The following ECEL1 variants were observed in gnomAD, a reference collection of about 807,000 sequenced individuals.
ECEL1 encodes the protein endothelin converting enzyme like 1.
ECEL1 carries 87 observed loss-of-function variants against 101.8 expected under a neutral mutation model. The ratio of observed to expected loss-of-function variants is 0.85; its 90% CI spans 0.72 to 1.02. The LOEUF (loss-of-function observed/expected upper bound fraction) is 1.02, where lower values mean the gene tolerates loss of function less well. Ranked by LOEUF, ECEL1 falls within the 50% of genes least tolerant of loss-of-function variation. ECEL1 has a pLI of 0.00. For synonymous variants in ECEL1, 487 were observed against 468.7 expected, an observed-to-expected ratio of 1.04 and a Z score of -0.50; for missense variants, 1,032 against 1,079.2, an observed-to-expected ratio of 0.96 and a Z score of 0.61.
chr2:232,485,150 C>G, intron 3 of ECEL1, 49 bp downstream of exon 3: 3 of 1,612,504 alleles, frequency 1.9e-6, no homozygotes, highest in African/African-American at 1.3e-5. Context: ...GGATCCACCC[C>G]TCCTGGGGCC....
Position 232,486,436 on chromosome 2 carries a change from C to T in ECEL1, c.218G>A (p.Cys73Tyr), listed in dbSNP as rs1690731151. 6.9e-7 allele frequency: 1 copy of T among 1,458,110 alleles called. No homozygotes were observed. Among genetic ancestry groups the T allele is most frequent in the South Asian group, 1.4e-5 (1 of 73,538 alleles). The allele number at this position is 1,458,110 out of a possible 1,614,324, so 90.3% of individuals were successfully genotyped here. A position where few individuals can be genotyped will look rare whatever the true frequency, so the allele number is the denominator to read the frequency against. ...GGCCAGCATAGCCGCCAGAATGGCGCAGAGGCCGGCGGCGAACACCAGCCC... is the reference window on the plus strand; with the variant it reads ...GGCCAGCATAGCCGCCAGAATGGCGTAGAGGCCGGCGGCGAACACCAGCCC... ...LSGLVFAAGL[C>Y]AILAAMLALK... is the part of the protein sequence containing the mutation. Residue 73 changes from cysteine (C) to tyrosine (Y), a missense_variant, in exon 2 of 18, where the codon TGC (cysteine) becomes TAC (tyrosine). By Grantham distance (194) the Cys-to-Tyr change is radical. Transcript: ENST00000304546.
chr2:232,484,913 C>A lies in ECEL1; in HGVS notation c.967-20G>T. ...AGTGATCTGTGGGGAGAGATCACAG[C>A]TGACCCAGCCCTGCTCCATGATGCC... On this transcript the variant is annotated intron_variant, in intron 4 of 17. Coordinates refer to ENST00000304546, the MANE Select transcript of ECEL1 (RefSeq NM_004826.4). The A allele has an allele frequency of 6.2e-7, 1 of 1,613,008 alleles. No homozygotes were observed. The highest frequency in any genetic ancestry group is 1.3e-5 in the African/African-American group (1 of 75,056).
chr2:232,485,075 C>G lies in ECEL1; in HGVS notation c.872G>C (p.Arg291Thr). 1 of 1,611,932 alleles carries G rather than the reference C, an allele frequency of 6.2e-7. No homozygotes were observed. The highest frequency in any genetic ancestry group is 1.3e-5 in the African/African-American group (1 of 75,044). The change falls in exon 4 of 18, where the codon AGG becomes ACG. Residue 291 changes from arginine (R) to threonine (T), a missense_variant. Arg to Thr is a moderately conservative substitution (Grantham distance 71). Coordinates refer to ENST00000304546, the MANE Select transcript of ECEL1 (RefSeq NM_004826.4). ...GCTGAGCACTCGCTCCATGAACACC[C>G]TGTATGCTGCCAGGATCTGCACCAG... ...EDSEKILAAYRVFMERVLSLL... is the reference protein window; with the variant it reads ...EDSEKILAAYTVFMERVLSLL...
Position 232,484,193 on chromosome 2 carries a change from C to A in ECEL1, c.1215G>T (p.Val405=). Residue 405 remains valine (V), a synonymous_variant, in exon 7 of 18, where the codon GTG becomes GTT. Coordinates refer to ENST00000304546, the MANE Select transcript of ECEL1 (RefSeq NM_004826.4). Reference sequence around the variant, plus strand: ...ACAGGTGTTCACTCAGGACCACCACCACGCGCCACACCAGGTAGTTGTGCA... The same window carrying A: ...ACAGGTGTTCACTCAGGACCACCACAACGCGCCACACCAGGTAGTTGTGCA... ...RVLHNYLVWR[V]VVVLSEHLSP... is the part of the protein sequence containing the mutation. The A allele has an allele frequency of 6.2e-7, 1 of 1,612,940 alleles. No individual in the cohort carries two copies. The highest frequency in any genetic ancestry group is 1.1e-5 in the South Asian group (1 of 91,050).
chr2:232,486,780 A>T, intron 1 of ECEL1, 26 bp from the exon 2 acceptor site: 1 of 1,063,254 alleles, frequency 9.4e-7, no homozygotes, highest in African/African-American at 1.7e-5. Context: ...AAGCAGGCTC[A>T]GGAGGCGCCG....
At chr2:232,483,553 C>T (rs1690641505) in intron 7 of ECEL1, 39 bp from the exon 8 acceptor site, 1 of 1,555,640 alleles carries the variant, frequency 6.4e-7, no homozygotes, top group African/African-American at 1.4e-5. Flanking sequence ...GTCAACCCAG[C>T]AGCCTGGTCT....
intron 7 of ECEL1, 125 bp from the exon 8 acceptor site, chr2:232,483,639 G>C (rs1469108288): frequency 1.5e-5 from 12 of 783,712 alleles, no homozygotes; most frequent in African/African-American, 5.2e-5. Flanking sequence ...TGAACACCAA[G>C]AGGATACTTT....
In ECEL1 at chr2:232,486,140, G is replaced by A; in HGVS notation, c.514C>T (p.Pro172Ser). 2 of 1,563,070 alleles carry A rather than the reference G, an allele frequency of 1.3e-6. No homozygotes were observed. Among genetic ancestry groups the A allele is most frequent in the Middle Eastern group, 3.5e-4 (2 of 5,704 alleles). Residue 172 changes from proline (P) to serine (S), a missense_variant, in exon 2 of 18, where the codon CCT (proline) becomes TCT (serine). Transcript: ENST00000304546. The stretch of plus-strand genomic sequence containing the variant: ...ACCTTGCGCTGGGCCGCGCCGCCAG[G>A]CCCACCCCCGGGCCGCGCCAGCAGG... The part of the protein sequence containing the change: ...RRLLARPGGG[P>S]GGAAQRKVRA...
rs1690736016 is a variant in ECEL1, at chr2:232,486,567, G to T, written c.87C>A (p.Arg29=). Residue 29 remains arginine (R), a synonymous_variant, in exon 2 of 18, where the codon CGC becomes CGA. Transcript: ENST00000304546. ...YVSRCGAGGA[R]GASLPPGFPL... is the part of the protein sequence containing the mutation. ...GGAAGCCCGGGGGCAGGGAGGCCCC[G>T]CGCGCGCCCCCCGCGCCGCAGCGGC... The T allele has an allele frequency of 7.3e-7, 1 of 1,374,094 alleles. No homozygotes were observed. 85.1% of individuals were successfully genotyped at this position (1,374,094 alleles called of 1,614,324 possible).
In ECEL1 at chr2:232,480,263, G is replaced by GA. The variant is rs1690542556; in HGVS notation, c.2229-12dup. The GA allele has an allele frequency of 6.2e-7, 1 of 1,613,242 alleles. No homozygotes were observed. On this transcript the variant is annotated splice_polypyrimidine_tract_variant and intron_variant, in intron 17 of 17. Transcript: ENST00000304546. Reference sequence around the variant, plus strand: ...ACACTGCCCAGCACCCTGGGGTGGGGAGAGACCCACACAGTGTTGGGCCCT... The same window carrying GA: ...ACACTGCCCAGCACCCTGGGGTGGGGAAGAGACCCACACAGTGTTGGGCCCT...
In ECEL1 at chr2:232,485,943, G is replaced by A. The variant is rs1433951163; in HGVS notation, c.711C>T (p.Gly237=). ...DLNRLLYKAQ[G]VYSAAALFSL... is the part of the protein sequence containing the mutation. Reference sequence around the variant, plus strand: ...AGAAGAGCGCGGCGGCGCTGTACACGCCCTGCGCCTTGTACAGCAGCCGGT... The same window carrying A: ...AGAAGAGCGCGGCGGCGCTGTACACACCCTGCGCCTTGTACAGCAGCCGGT... The change falls in exon 2 of 18, where the codon GGC becomes GGT. Residue 237 remains glycine (G), a synonymous_variant. Transcript: ENST00000304546. 1.3e-6 allele frequency: 2 copies of A among 1,584,822 alleles called. No individual in the cohort carries two copies. Among genetic ancestry groups the A allele is most frequent in the South Asian group, 1.1e-5 (1 of 87,690 alleles).
intron 12 of ECEL1, 25 bp from the exon 13 acceptor site, chr2:232,481,874 GC>G (rs1690589125): frequency 6.2e-7 from 1 of 1,613,200 alleles, no homozygotes; most frequent in South Asian, 1.1e-5. Flanking sequence ...GCAGCATCAG[GC>G]CCTAGCCCTC....
intron 14 of ECEL1, 94 bp from the exon 15 acceptor site, chr2:232,481,250 A>ACCC (rs1334225638): frequency 7.0e-7 from 1 of 1,438,000 alleles, no homozygotes; most frequent in Non-Finnish European, 9.4e-7. Flanking sequence ...AATTCCTACC[A>ACCC]CCCCTCTCCT....
intron 13 of ECEL1, 36 bp downstream of exon 13, chr2:232,481,746 C>A (rs1690584896): frequency 1.2e-6 from 2 of 1,613,420 alleles, no homozygotes; most frequent in Non-Finnish European, 1.7e-6. Flanking sequence ...GTCCTGCCCC[C>A]TCCGGGCCAT....
In ECEL1 at chr2:232,484,644, A is replaced by T. The variant is rs1575077615; in HGVS notation, c.1060-48T>A. 3 of 1,609,718 alleles carry T rather than the reference A, an allele frequency of 1.9e-6. No individual in the cohort carries two copies. In the East Asian group the frequency reaches 6.7e-5, roughly 36 times the overall value. ...AGTGAGGCTAGGGTTGGCAGGGGCC[A>T]CAGAAGACAGGGAGGGGGCAGAGAG... On this transcript the variant is annotated intron_variant, in intron 5 of 17. Transcript: ENST00000304546.
intron 12 of ECEL1, 73 bp downstream of exon 12, chr2:232,482,345 C>T (rs1282903437): frequency 2.7e-5 from 44 of 1,604,208 alleles, no homozygotes; most frequent in Non-Finnish European, 1.7e-6. Flanking sequence ...AGTACGCCGA[C>T]ACACACCTGG....
At chr2:232,482,314 G>A (rs560616122) in intron 12 of ECEL1, 104 bp downstream of exon 12, 262 of 1,502,994 alleles carry the variant, frequency 1.7e-4, no homozygotes, top group Admixed American at 5.5e-4. Context: ...ACCCAGCTGG[G>A]TCTGGGGCGA....
intron 14 of ECEL1, 103 bp from the exon 15 acceptor site, chr2:232,481,259 C>T (rs1477660207): frequency 7.0e-7 from 1 of 1,427,614 alleles, no homozygotes; most frequent in Non-Finnish European, 9.5e-7. Context: ...CACCCCTCTC[C>T]TTCCCTTGCC....
rs755798650 is a variant in ECEL1, at chr2:232,481,124, G to C, written c.2022C>G (p.Ile674Met). 1.2e-5 allele frequency: 19 copies of C among 1,569,054 alleles called. No individual in the cohort carries two copies. Among genetic ancestry groups the C allele is most frequent in the Middle Eastern group, 1.7e-4 (1 of 6,014 alleles). ...CCAGCTTGAGGCCGCCCATATCTGC[G>C]ATGTTCTCCCCAAGCGTGTGTTTCC... ...VNGKHTLGEN[I>M]ADMGGLKLAY... The change falls in exon 15 of 18, where the codon ATC (isoleucine) becomes ATG (methionine). Residue 674 changes from isoleucine (I) to methionine (M), a missense_variant. Transcript: ENST00000304546.
Sources: allele counts gnomAD v4.1 joint callset, GRCh38; gene constraint gnomAD v4.1.1; transcripts MANE v1.5; gene names NCBI Gene and HGNC (gene_info 2026-07-23, HGNC 2026-07-21).